GPC6: variants seen among roughly 807,000 people sequenced by gnomAD.
GPC6 encodes the protein glypican 6, also known as glypican-6.
GPC6 carries 14 observed loss-of-function variants against 55.2 expected under a neutral mutation model. That is an observed-to-expected ratio of 0.25 (90% CI 0.17 to 0.40). The LOEUF is 0.40. Among genes scored for constraint, GPC6 ranks in the 10% least tolerant of loss-of-function variants. The pLI is 1.00. For missense variants in GPC6, 641 were observed against 708.5 expected, an observed-to-expected ratio of 0.90 and a Z score of 1.08; for synonymous variants, 278 against 259.6, an observed-to-expected ratio of 1.07 and a Z score of -0.68.
intron 6 of GPC6, among the ~76,000 whole-genome samples, chr13:94,316,183 T>A (rs890414626): frequency 1.1e-4 from 16 of 151,828 alleles, no homozygotes; most frequent in South Asian, 4.2e-4. Context: ...AAAAAAAAAA[T>A]TTAGAATCCT....
intron 6 of GPC6, among the ~76,000 whole-genome samples, chr13:94,341,848 G>T (rs1328257855): frequency 6.6e-6 from 1 of 152,178 alleles, no homozygotes; most frequent in African/African-American, 2.4e-5. Flanking sequence ...AATGCATTAG[G>T]ACTGACAATA....
chr13:94,221,619 T>C (rs2139001866), intron 4 of GPC6, among the ~76,000 whole-genome samples: 1 of 152,214 alleles, frequency 6.6e-6, no homozygotes, highest in African/African-American at 2.4e-5. Flanking sequence ...TACACTAACC[T>C]CATATGACAG....
At chr13:94,161,166 C>T (rs1181451848) in intron 4 of GPC6, among the ~76,000 whole-genome samples, 1 of 152,144 alleles carries the variant, frequency 6.6e-6, no homozygotes, top group Non-Finnish European at 1.5e-5. Context: ...TTGTAAGCTT[C>T]CTTACTCTTG....
rs190727861 is a variant in GPC6 at position 94,173,639 on chromosome 13, C to G, written c.878-112710C>G. Among the ~76,000 whole-genome samples the G allele has an allele frequency of 3.4e-3, 518 of 152,204 alleles. 4 individuals carry two copies. The highest frequency in any genetic ancestry group is 0.012 in the African/African-American group (496 of 41,524). On this transcript the variant is annotated intron_variant, in intron 4 of 8. Transcript: ENST00000377047. ...ATAAATATTTAGGTTTCAGTGTATGCCCAAGCTAGCACACCTCAAGGTGGA... is the reference window on the plus strand; with the variant it reads ...ATAAATATTTAGGTTTCAGTGTATGGCCAAGCTAGCACACCTCAAGGTGGA...
intron 4 of GPC6, among the ~76,000 whole-genome samples, chr13:94,091,746 A>G (rs897943956): frequency 2.6e-5 from 4 of 152,092 alleles, no homozygotes; most frequent in Non-Finnish European, 5.9e-5. Context: ...GATGATGACC[A>G]GAAGATATGG....
chr13:93,951,570 T>C (rs1879254587), intron 3 of GPC6, among the ~76,000 whole-genome samples: 1 of 152,196 alleles, frequency 6.6e-6, no homozygotes, highest in Non-Finnish European at 1.5e-5. Flanking sequence ...GTAATGGCTT[T>C]GGAGTCAGAG....
At chr13:93,494,664 G>A (rs1031787398) in intron 1 of GPC6, among the ~76,000 whole-genome samples, 1 of 151,998 alleles carries the variant, frequency 6.6e-6, no homozygotes, top group African/African-American at 2.4e-5. Flanking sequence ...GCTGGTACCG[G>A]TTGTTCCTTT....
chr13:93,641,426 C>T (rs1879934059), intron 2 of GPC6, among the ~76,000 whole-genome samples: 1 of 152,078 alleles, frequency 6.6e-6, no homozygotes, highest in South Asian at 2.1e-4. Flanking sequence ...TTTATCAATC[C>T]TTACTGAGCA....
chr13:94,383,895 G>T (rs1256551004), intron 7 of GPC6, among the ~76,000 whole-genome samples: 1 of 152,138 alleles, frequency 6.6e-6, no homozygotes, highest in Non-Finnish European at 1.5e-5. Context: ...GCAGGAGAGA[G>T]AAGTACAAGT....
At chr13:93,886,844 A>G (rs1017515849) in intron 3 of GPC6, among the ~76,000 whole-genome samples, 4 of 151,620 alleles carry the variant, frequency 2.6e-5, no homozygotes, top group African/African-American at 7.3e-5. Flanking sequence ...TCAAACTTCA[A>G]TTTTAGTCAG....
intron 6 of GPC6, among the ~76,000 whole-genome samples, chr13:94,316,909 G>A (rs1342631971): frequency 6.6e-6 from 1 of 152,198 alleles, no homozygotes; most frequent in Non-Finnish European, 1.5e-5. Flanking sequence ...CAAACTGGCT[G>A]CAGCAAATCA....
chr13:94,013,923 C>T lies in GPC6; in HGVS notation c.712-13806C>T, dbSNP rs1455173775. Among the ~76,000 whole-genome samples, 8 of 152,280 alleles carry T rather than the reference C, an allele frequency of 5.3e-5. No homozygotes were observed. The South Asian group carries it at 1.7e-3, about 32-fold the overall frequency. On this transcript the variant is annotated intron_variant, in intron 3 of 8. Transcript: ENST00000377047. The stretch of plus-strand genomic sequence containing the variant: ...CTCAGAAAGTGCTGTCGTTTTATGG[C>T]TTGCAAATGCTTCATAAGCCTCATG...
intron 4 of GPC6, among the ~76,000 whole-genome samples, chr13:94,265,189 A>G (rs1289324525): frequency 6.6e-6 from 1 of 152,214 alleles, no homozygotes; most frequent in Non-Finnish European, 1.5e-5. Flanking sequence ...GGAGTGTATT[A>G]GGGTTCTCTA....
intron 1 of GPC6, among the ~76,000 whole-genome samples, chr13:93,276,338 A>C (rs1326270136): frequency 2.0e-5 from 3 of 152,078 alleles, no homozygotes; most frequent in African/African-American, 7.2e-5. Flanking sequence ...AAACTTGCTC[A>C]TTTTGGGGTT....
chr13:93,547,522 A>T (rs1440225839), intron 2 of GPC6, among the ~76,000 whole-genome samples: 1 of 152,162 alleles, frequency 6.6e-6, no homozygotes, highest in Non-Finnish European at 1.5e-5. Flanking sequence ...CCCTATAGGT[A>T]TATAGGTATA....
At chr13:93,988,716 C>G (rs1396833066) in intron 3 of GPC6, among the ~76,000 whole-genome samples, 1 of 152,112 alleles carries the variant, frequency 6.6e-6, no homozygotes, top group East Asian at 1.9e-4. Context: ...CCCAAACGCT[C>G]TACCTCCTAA....
intron 3 of GPC6, among the ~76,000 whole-genome samples, chr13:93,992,064 CTT>C (rs1881334694): frequency 6.6e-6 from 1 of 151,414 alleles, no homozygotes; most frequent in African/African-American, 2.4e-5. Context: ...ATATACCCCT[CTT>C]ATACATACAT....
At chr13:93,496,362 A>G (rs1015529739) in intron 1 of GPC6, among the ~76,000 whole-genome samples, 32 of 152,264 alleles carry the variant, frequency 2.1e-4, no homozygotes, top group Middle Eastern at 6.8e-3. Context: ...AAGTGAGGCA[A>G]TGCCTCGCCC....
At chr13:93,894,621 A>G (rs898919969) in intron 3 of GPC6, among the ~76,000 whole-genome samples, 3 of 152,146 alleles carry the variant, frequency 2.0e-5, no homozygotes, top group Non-Finnish European at 4.4e-5. Flanking sequence ...TCATAGCTCC[A>G]AGTTTGTTTG....
Sources: gnomAD v4.1 joint callset for allele counts (sites outside exome capture counted in the v4.1 genomes callset) on GRCh38, gnomAD v4.1.1 for gene constraint, MANE v1.5 for transcripts, NCBI Gene and HGNC (gene_info 2026-07-23, HGNC 2026-07-21) for gene names.